Variants in LOXHD1 observed in about 807,000 individuals in gnomAD.
LOXHD1 encodes lipoxygenase homology PLAT domains 1.
In LOXHD1, 205 loss-of-function variants were observed where a neutral mutation model predicts 248.2. The ratio of observed to expected loss-of-function variants is 0.83; its 90% CI spans 0.74 to 0.93. The LOEUF (loss-of-function observed/expected upper bound fraction) is 0.93. Among genes scored for constraint, LOXHD1 ranks in the 40% least tolerant of loss-of-function variants. The probability of loss-of-function intolerance (pLI) is 0.00; values close to 1 mark genes in which losing one functional copy is unlikely to be tolerated. For synonymous variants in LOXHD1, 1,113 were observed against 1,162.8 expected (o/e 0.96, Z 0.87); for missense variants, 2,930 against 2,971.6 (o/e 0.99, Z 0.33).
intron 5 of LOXHD1, among the ~76,000 whole-genome samples, chr18:46,614,543 G>A (rs2038557131): frequency 6.6e-6 from 1 of 152,048 alleles, no homozygotes; most frequent in South Asian, 2.1e-4. Context: ...CACAGGGTGG[G>A]GAACATCACA....
chr18:46,589,819 T>C (rs2038132530), intron 12 of LOXHD1, among the ~76,000 whole-genome samples: 1 of 152,108 alleles, frequency 6.6e-6, no homozygotes, highest in Non-Finnish European at 1.5e-5. Context: ...GGAGGTCATA[T>C]GGTTGGGGCC....
chr18:46,593,564 C>T (rs1216041722), intron 10 of LOXHD1, 36 bp downstream of exon 10: 1 of 1,549,282 alleles, frequency 6.5e-7, no homozygotes, highest in Admixed American at 2.0e-5. Context: ...ATCCCTTCCT[C>T]CTTTCTCCCT....
chr18:46,642,973 T>G (rs1326650476), intron 2 of LOXHD1, among the ~76,000 whole-genome samples: 1 of 152,172 alleles, frequency 6.6e-6, no homozygotes, highest in Non-Finnish European at 1.5e-5. Context: ...AGAAGATGTG[T>G]GCCATCACAG....
chr18:46,561,060 A>G (rs2037520169), intron 18 of LOXHD1, among the ~76,000 whole-genome samples: 1 of 152,148 alleles, frequency 6.6e-6, no homozygotes, highest in Non-Finnish European at 1.5e-5. Flanking sequence ...CTTTCGTAAT[A>G]AGCAAAAAAC....
At chr18:46,543,573 C>T (rs2036661382) in intron 23 of LOXHD1, among the ~76,000 whole-genome samples, 1 of 152,080 alleles carries the variant, frequency 6.6e-6, no homozygotes, top group African/African-American at 2.4e-5. Context: ...CCCTAACCCC[C>T]CACCCCCTGA....
chr18:46,582,208 A>G (rs1363544121), intron 12 of LOXHD1, among the ~76,000 whole-genome samples: 1 of 152,236 alleles, frequency 6.6e-6, no homozygotes, highest in Non-Finnish European at 1.5e-5. Flanking sequence ...AGCAGTAAAT[A>G]TAGAGCTGCA....
rs1291948295 is a variant in LOXHD1, at chr18:46,489,144, T to C, written c.5879-2A>G. On this transcript the variant is annotated splice_acceptor_variant, in intron 37 of 40. Coordinates refer to ENST00000642948, the MANE Select transcript of LOXHD1 (RefSeq NM_001384474.1). LOFTEE classifies it high-confidence loss of function. ...TCAGATGCCAGCCAGGAAATATCCC[T>C]GTGGAAAAGACACCATGGGGGTTGG... The C allele has an allele frequency of 1.3e-6, 2 of 1,551,656 alleles. No homozygotes were observed. The highest frequency in any genetic ancestry group is 8.7e-7 in the Non-Finnish European group (1 of 1,146,974).
At chr18:46,581,625 G>T (rs898821627) in intron 12 of LOXHD1, among the ~76,000 whole-genome samples, 24 of 152,060 alleles carry the variant, frequency 1.6e-4, no homozygotes, top group African/African-American at 5.8e-4. Context: ...AGGACTGAAA[G>T]AATATTTGAA....
At chr18:46,507,761 C>T in intron 35 of LOXHD1, 49 bp from the exon 36 acceptor site, 5 of 1,515,396 alleles carry the variant, frequency 3.3e-6, no homozygotes, top group Non-Finnish European at 4.4e-6. Flanking sequence ...CCCTCACCTC[C>T]ACCAGCACCC....
At chr18:46,636,908 G>A (rs1312528746) in intron 4 of LOXHD1, among the ~76,000 whole-genome samples, 1 of 152,188 alleles carries the variant, frequency 6.6e-6, no homozygotes, top group East Asian at 1.9e-4. Context: ...CACTTTGGGA[G>A]GCAGAGGCAG....
rs2037467038 is a variant in LOXHD1, at chr18:46,559,597, T to G, written c.3067A>C (p.Thr1023Pro). The part of the protein sequence containing the change: ...PAGKPGPERN[T>P]YEVQVVTGNV... ...CCCGTGACCACCTGAACCTCATAGG[T>G]GTTTCCTGTAGACACAGAAAGATGC... Residue 1023 changes from threonine (T) to proline (P), a missense_variant, in exon 20 of 41, where the codon ACC becomes CCC. Physicochemically the swap from Thr to Pro is conservative, Grantham distance 38. Coordinates refer to ENST00000642948, the MANE Select transcript of LOXHD1 (RefSeq NM_001384474.1). The G allele has an allele frequency of 1.3e-6, 2 of 1,551,564 alleles. No homozygotes were observed. Among genetic ancestry groups the G allele is most frequent in the Admixed American group, 3.9e-5 (2 of 50,984 alleles).
At chr18:46,615,009 G>A (rs1814511375) in intron 5 of LOXHD1, among the ~76,000 whole-genome samples, 1 of 152,104 alleles carries the variant, frequency 6.6e-6, no homozygotes, top group Non-Finnish European at 1.5e-5. Flanking sequence ...AGATCTCCTT[G>A]GAATTTGGCT....
Position 46,486,167 on chromosome 18 carries a change from AG to A in LOXHD1, c.6050-1017del, listed in dbSNP as rs148970394. 1.7e-4 allele frequency among the ~76,000 whole-genome samples: 26 copies of A among 152,266 alleles called. No homozygotes were observed. The East Asian group carries it at 4.6e-3, about 27-fold the overall frequency. On this transcript the variant is annotated intron_variant, in intron 38 of 40. Transcript: ENST00000642948. ...CAGGGACCAGACCAGGGATGGAACC[AG>A]CACCCTGGAGGACACAGTAAGTGTC...
chr18:46,521,406 C>T, intron 32 of LOXHD1, 124 bp from the exon 33 acceptor site: 1 of 1,067,498 alleles, frequency 9.4e-7, no homozygotes, highest in Non-Finnish European at 1.4e-6. Flanking sequence ...CCAGGTCCCT[C>T]CCATGAAGGT....
chr18:46,541,007 T>C (rs2036537871), intron 25 of LOXHD1, among the ~76,000 whole-genome samples: 1 of 152,360 alleles, frequency 6.6e-6, no homozygotes, highest in South Asian at 2.1e-4. Flanking sequence ...GTTTATTATT[T>C]AGTTAGAAAA....
At chr18:46,503,324 TCCTTACCTTC>T (rs960993953) in intron 37 of LOXHD1, among the ~76,000 whole-genome samples, 21 of 152,194 alleles carry the variant, frequency 1.4e-4, no homozygotes, top group Non-Finnish European at 2.5e-4. Flanking sequence ...ACAGACCTTG[TCCTTACCTTC>T]CCCACACCCA....
At position 46,625,901 on chromosome 18, in the gene LOXHD1, T is replaced by C. The variant is rs1159113125; in HGVS notation, c.512-7611A>G. The stretch of plus-strand genomic sequence containing the variant: ...CACATTTCGATAACCTTGGCTCCAT[T>C]ACTTCCCTTTCCAACCCAGACTCTA... On this transcript the variant is annotated intron_variant, in intron 4 of 40. Coordinates refer to ENST00000642948, the MANE Select transcript of LOXHD1 (RefSeq NM_001384474.1). Among the ~76,000 whole-genome samples the C allele has an allele frequency of 5.3e-5, 8 of 152,176 alleles. No homozygotes were observed. The South Asian group carries it at 8.3e-4, about 16-fold the overall frequency.
At chr18:46,548,376 T>C (rs574894463) in intron 21 of LOXHD1, among the ~76,000 whole-genome samples, 31 of 152,270 alleles carry the variant, frequency 2.0e-4, no homozygotes, top group African/African-American at 7.2e-4. Flanking sequence ...AGAGTCTTCA[T>C]TGCCTCCAAG....
chr18:46,557,488 G>A lies in LOXHD1; in HGVS notation c.3218C>T (p.Thr1073Ile), dbSNP rs1353205519. 1.9e-6 allele frequency: 3 copies of A among 1,551,890 alleles called. No individual in the cohort carries two copies. The highest frequency in any genetic ancestry group is 2.6e-6 in the Non-Finnish European group (3 of 1,147,048). ...DKSNKFEQGQTDTFTIYAIDL... is the reference protein window; with the variant it reads ...DKSNKFEQGQIDTFTIYAIDL... ...AATGGCATAGATGGTGAAGGTGTCT[G>A]TCTGGGAAGGGCCAGGGAACACTCA... The change falls in exon 21 of 41, where the codon ACA (threonine) becomes ATA (isoleucine). Residue 1073 changes from threonine (T) to isoleucine (I), a missense_variant and splice_region_variant. Thr to Ile is a moderately conservative substitution (Grantham distance 89). Coordinates refer to ENST00000642948, the MANE Select transcript of LOXHD1 (RefSeq NM_001384474.1).
Sources: allele counts gnomAD v4.1 joint callset (sites outside exome capture counted in the v4.1 genomes callset), GRCh38; gene constraint gnomAD v4.1.1; transcripts MANE v1.5; gene names NCBI Gene and HGNC (gene_info 2026-07-23, HGNC 2026-07-21).